DDX10: variants seen among roughly 807,000 people sequenced by gnomAD.
The protein encoded by DDX10 is probable ATP-dependent RNA helicase DDX10.
DDX10 carries 74 observed loss-of-function variants against 104.3 expected under a neutral mutation model. The observed-to-expected ratio is 0.71, with a 90% CI of 0.59 to 0.86. DDX10 has a LOEUF of 0.86. Ranked by LOEUF, DDX10 falls within the 40% of genes least tolerant of loss-of-function variation. The pLI is 0.00. For missense variants in DDX10, 952 were observed against 1,040.0 expected, an observed-to-expected ratio of 0.92 and a Z score of 1.16; for synonymous variants, 351 against 353.4, an observed-to-expected ratio of 0.99 and a Z score of 0.08.
chr11:108,760,216 T>G (rs2094349150), intron 13 of DDX10, among the ~76,000 whole-genome samples: 1 of 152,026 alleles, frequency 6.6e-6, no homozygotes, highest in Non-Finnish European at 1.5e-5. Context: ...TTTTATATAT[T>G]GGATTGAATT....
intron 17 of DDX10, among the ~76,000 whole-genome samples, chr11:108,926,653 ATG>A (rs1245102895): frequency 6.6e-6 from 1 of 152,214 alleles, no homozygotes; most frequent in Non-Finnish European, 1.5e-5. Context: ...CCGATTCTAC[ATG>A]TGGTAGCCTT....
At chr11:108,920,641 A>G (rs1348860656) in intron 17 of DDX10, 1 of 152,218 alleles carries the variant, frequency 6.6e-6, no homozygotes, top group Non-Finnish European at 1.5e-5. Flanking sequence ...CTAACTCCCT[A>G]GTTCTAGAAT....
At chr11:108,904,737 TC>T (rs1043470762) in intron 16 of DDX10, among the ~76,000 whole-genome samples, 1 of 151,974 alleles carries the variant, frequency 6.6e-6, no homozygotes, top group African/African-American at 2.4e-5. Flanking sequence ...TTTTTTTTTT[TC>T]CCCTGAGATA....
At chr11:108,739,346 A>C (rs539388525) in intron 13 of DDX10, among the ~76,000 whole-genome samples, 71 of 152,338 alleles carry the variant, frequency 4.7e-4, no homozygotes, top group Non-Finnish European at 8.8e-4. Flanking sequence ...TTGTTTGATA[A>C]GACCCTAAAT....
intron 7 of DDX10, 140 bp from the exon 8 acceptor site, chr11:108,691,736 G>A: frequency 3.6e-6 from 2 of 556,234 alleles, no homozygotes; most frequent in Non-Finnish European, 5.8e-6. Flanking sequence ...TTAAATAAGA[G>A]TTTCTTTACT....
intron 17 of DDX10, chr11:108,920,483 GTTTT>G (rs1863809047): frequency 6.6e-6 from 1 of 152,108 alleles, no homozygotes; most frequent in Admixed American, 6.5e-5. Flanking sequence ...TTCCTAGCAG[GTTTT>G]TTGTTTTGGC....
At chr11:108,694,754 G>A (rs1293320429) in intron 9 of DDX10, among the ~76,000 whole-genome samples, 6 of 152,150 alleles carry the variant, frequency 3.9e-5, no homozygotes, top group African/African-American at 9.7e-5. Flanking sequence ...GGTGGTGTGC[G>A]CCTGTAGTCT....
In DDX10 at chr11:108,665,260, A is replaced by G; in HGVS notation, c.107A>G (p.Gln36Arg). 6.2e-7 allele frequency: 1 copy of G among 1,611,236 alleles called. No individual in the cohort carries two copies. The highest frequency in any genetic ancestry group is 8.5e-7 in the Non-Finnish European group (1 of 1,178,902). Residue 36 changes from glutamine to arginine, a missense_variant, in exon 1 of 18, where the codon CAG (glutamine) becomes CGG (arginine). By Grantham distance (43) the Gln-to-Arg change is conservative (BLOSUM62 1). Coordinates refer to ENST00000322536, the MANE Select transcript of DDX10 (RefSeq NM_004398.4). ...AGCCATAGGCAGAACAAAAAGAAGC[A>G]GTTGAGGAAGCAACTGAAGAAACCC... Reference protein sequence around the residue: ...KHSHRQNKKKQLRKQLKKPEW... With the variant: ...KHSHRQNKKKRLRKQLKKPEW...
chr11:108,750,245 G>T (rs1368056544), intron 13 of DDX10, among the ~76,000 whole-genome samples: 2 of 151,996 alleles, frequency 1.3e-5, no homozygotes, highest in Non-Finnish European at 2.9e-5. Context: ...TTTTATTTTA[G>T]TATGTTTAGC....
chr11:108,701,726 G>A lies in DDX10; in HGVS notation c.1224-5013G>A, dbSNP rs181686761. Among the ~76,000 whole-genome samples, 1,716 of 111,606 alleles carry A rather than the reference G, an allele frequency of 0.015. 120 individuals carry two copies. The Admixed American group carries it at 0.19, about 12-fold the overall frequency. 73.2% of individuals were successfully genotyped at this position (111,606 alleles called of 152,430 possible). ...GTGACTGAGTGTCTGTGACTCTGTC[G>A]CCCAGAGTGGAGTGCAGTGGCGCGA... On this transcript the variant is annotated intron_variant, in intron 9 of 17. Coordinates refer to ENST00000322536, the MANE Select transcript of DDX10 (RefSeq NM_004398.4).
At chr11:108,737,122 T>C (rs1163098807) in intron 13 of DDX10, among the ~76,000 whole-genome samples, 1 of 152,204 alleles carries the variant, frequency 6.6e-6, no homozygotes, top group African/African-American at 2.4e-5. Context: ...TTCCAAGGCA[T>C]TCATTGACAA....
Position 108,841,425 on chromosome 11 carries a change from G to A in DDX10, c.2196G>A (p.Glu732=). The A allele has an allele frequency of 1.9e-6, 3 of 1,613,780 alleles. No homozygotes were observed. The highest frequency in any genetic ancestry group is 1.3e-5 in the African/African-American group (1 of 75,006). ...AAGCAAAGGAAAGACTTCAGGAAGA[G>A]GACAAATTTGACAAAGAAGAATATA... ...LHKAKERLQE[E]DKFDKEEYRK... is the part of the protein sequence containing the mutation. Residue 732 remains glutamate (E), a synonymous_variant, in exon 15 of 18, where the codon GAG becomes GAA. Transcript: ENST00000322536.
chr11:108,823,012 A>G (rs889556024), intron 13 of DDX10, among the ~76,000 whole-genome samples: 2 of 152,200 alleles, frequency 1.3e-5, no homozygotes, highest in Admixed American at 1.3e-4. Context: ...GATACTGTCT[A>G]TGTGATCTCG....
intron 13 of DDX10, among the ~76,000 whole-genome samples, chr11:108,737,264 C>T (rs994209916): frequency 6.6e-6 from 1 of 152,140 alleles, no homozygotes; most frequent in East Asian, 1.9e-4. Context: ...AGTGTTTTGC[C>T]ATAGGACAAA....
intron 6 of DDX10, among the ~76,000 whole-genome samples, chr11:108,686,446 G>C (rs2094244222): frequency 6.6e-6 from 1 of 152,222 alleles, no homozygotes; most frequent in South Asian, 2.1e-4. Context: ...TGTCTCCATA[G>C]TGTCATCTTT....
At position 108,869,288 on chromosome 11, in the gene DDX10, G is replaced by GCTCTGTCAT. The variant is rs1863050462; in HGVS notation, c.2304+17080_2304+17088dup. On this transcript the variant is annotated intron_variant, in intron 16 of 17. Coordinates refer to ENST00000322536, the MANE Select transcript of DDX10 (RefSeq NM_004398.4). ...GGCCAGGGCATAAGATTGCCATTAT[G>GCTCTGTCAT]CTCTGTCATGGCTTATGCTCGTTTT... Among the ~76,000 whole-genome samples the GCTCTGTCAT allele has an allele frequency of 2.6e-5, 4 of 151,176 alleles. 1 individual carries two copies. The highest frequency in any genetic ancestry group is 2.6e-4 in the Admixed American group (4 of 15,160).
At chr11:108,738,295 G>A (rs1010572875) in intron 13 of DDX10, among the ~76,000 whole-genome samples, 1 of 149,804 alleles carries the variant, frequency 6.7e-6, no homozygotes, top group Admixed American at 6.7e-5. Context: ...GGCTTTCAGC[G>A]AGTCTTATTT....
intron 13 of DDX10, among the ~76,000 whole-genome samples, chr11:108,789,933 T>G (rs1861847992): frequency 1.3e-5 from 2 of 152,214 alleles, no homozygotes; most frequent in Admixed American, 1.3e-4. Flanking sequence ...AAAGACCCTG[T>G]AACTCCGAAC....
intron 1 of DDX10, among the ~76,000 whole-genome samples, chr11:108,670,719 A>G (rs1193007885): frequency 6.6e-6 from 1 of 152,034 alleles, no homozygotes; most frequent in African/African-American, 2.4e-5. Flanking sequence ...TGTTTTTACT[A>G]TTGCTGAATG....
Sources: gnomAD v4.1 joint callset for allele counts (sites outside exome capture counted in the v4.1 genomes callset) on GRCh38, gnomAD v4.1.1 for gene constraint, MANE v1.5 for transcripts, NCBI Gene and HGNC (gene_info 2026-07-23, HGNC 2026-07-21) for gene names.